Variants in PTPRE observed in about 807,000 individuals in gnomAD.
PTPRE encodes protein tyrosine phosphatase receptor type E.
A neutral mutation model predicts 102.0 loss-of-function variants in PTPRE; 51 were observed. The ratio of observed to expected loss-of-function variants is 0.50; its 90% CI spans 0.40 to 0.63. PTPRE has a LOEUF of 0.63. Ranked by LOEUF, PTPRE falls within the 30% of genes least tolerant of loss-of-function variation. The probability of loss-of-function intolerance (pLI) is 0.00; values close to 1 mark genes in which losing one functional copy is unlikely to be tolerated. For missense variants in PTPRE, 752 were observed against 915.1 expected, an observed-to-expected ratio of 0.82 and a Z score of 2.30; for synonymous variants, 345 against 348.2, an observed-to-expected ratio of 0.99 and a Z score of 0.10.
At chr10:127,996,730 C>T (rs1433906231) in intron 2 of PTPRE, among the ~76,000 whole-genome samples, 1 of 152,182 alleles carries the variant, frequency 6.6e-6, no homozygotes, top group African/African-American at 2.4e-5. Context: ...TCCAGGCACA[C>T]GCAGGCTCCG....
chr10:127,918,375 G>A (rs1846357122), intron 1 of PTPRE, among the ~76,000 whole-genome samples: 1 of 151,482 alleles, frequency 6.6e-6, no homozygotes, highest in South Asian at 2.1e-4. Flanking sequence ...TGGCTAACAC[G>A]GTGAAACCCC....
chr10:128,080,749 C>T (rs1851636958), intron 20 of PTPRE, among the ~76,000 whole-genome samples: 1 of 152,192 alleles, frequency 6.6e-6, no homozygotes, highest in Admixed American at 6.5e-5. Flanking sequence ...TGCTCTCTTG[C>T]CTGGTAACAG....
At chr10:128,067,280 G>A (rs970238379) in intron 11 of PTPRE, among the ~76,000 whole-genome samples, 15 of 129,996 alleles carry the variant, frequency 1.2e-4, no homozygotes, top group African/African-American at 2.4e-4. Context: ...GCACACACAC[G>A]CACCCACACA....
In PTPRE at chr10:128,068,145, C is replaced by T. The variant is rs1464658480; in HGVS notation, c.866C>T (p.Ala289Val). The change falls in exon 12 of 21, where the codon GCC becomes GTC. Residue 289 changes from alanine (A) to valine (V), a missense_variant. Around this residue, in one of 2 missense-constraint regions of PTPRE, gnomAD observed 636 missense variants for 824.4 expected, o/e 0.77. Transcript: ENST00000254667. ...IQPQLPDGCK[A>V]PRLVSQLHFT... ...CAGCAGCTCCCCGACGGCTGCAAAG[C>T]CCCCAGGCTGGTCTCACAGCTGCAC... 10 of 1,613,532 alleles carry T rather than the reference C, an allele frequency of 6.2e-6. No individual in the cohort carries two copies. In the Admixed American group the frequency reaches 8.3e-5, roughly 13 times the overall value.
chr10:127,980,914 A>G (rs1851558402), intron 1 of PTPRE, among the ~76,000 whole-genome samples: 3 of 152,204 alleles, frequency 2.0e-5, no homozygotes, highest in Admixed American at 2.0e-4. Flanking sequence ...AATAGTAACA[A>G]TCAAAACATG....
intron 1 of PTPRE, among the ~76,000 whole-genome samples, chr10:127,978,238 A>C (rs1851341700): frequency 6.6e-6 from 1 of 152,016 alleles, no homozygotes; most frequent in Non-Finnish European, 1.5e-5. Context: ...AACAAAAACA[A>C]AAAAAAACAA....
At chr10:128,073,576 G>A (rs2136044728) in intron 17 of PTPRE, 105 bp downstream of exon 17, 1 of 1,398,566 alleles carries the variant, frequency 7.2e-7, no homozygotes, top group South Asian at 1.4e-5. Flanking sequence ...CAAACACATG[G>A]GTGAGACCAA....
At chr10:128,078,567 C>T (rs1413233699) in intron 19 of PTPRE, among the ~76,000 whole-genome samples, 4 of 152,174 alleles carry the variant, frequency 2.6e-5, no homozygotes, top group East Asian at 1.9e-4. Context: ...ACACTGGTGG[C>T]GCCCACTCTT....
Position 128,079,647 on chromosome 10 carries a change from A to G in PTPRE, c.1980A>G (p.Gln660=), listed in dbSNP as rs770227056. The change falls in exon 20 of 21, where the codon CAA becomes CAG. Residue 660 remains glutamine, a synonymous_variant. Coordinates refer to ENST00000254667, the MANE Select transcript of PTPRE (RefSeq NM_006504.6). ...CCGAGGGACTTTTAGATGTATTTCAAGCTGTGAAGAGTTTACGACTTCAGA... is the reference window on the plus strand; with the variant it reads ...CCGAGGGACTTTTAGATGTATTTCAGGCTGTGAAGAGTTTACGACTTCAGA... ...VKAEGLLDVF[Q]AVKSLRLQRP... 1.2e-6 allele frequency: 2 copies of G among 1,613,966 alleles called. No individual in the cohort carries two copies. The highest frequency in any genetic ancestry group is 2.7e-5 in the African/African-American group (2 of 74,950).
At chr10:128,020,839 G>A (rs574346504) in intron 2 of PTPRE, among the ~76,000 whole-genome samples, 3 of 152,192 alleles carry the variant, frequency 2.0e-5, no homozygotes, top group Non-Finnish European at 4.4e-5. Flanking sequence ...AGGAAGCGGT[G>A]TGATTTGATA....
At chr10:127,920,910 G>A (rs1361078502) in intron 1 of PTPRE, among the ~76,000 whole-genome samples, 1 of 152,182 alleles carries the variant, frequency 6.6e-6, no homozygotes, top group South Asian at 2.1e-4. Flanking sequence ...TCTTCCCTGT[G>A]TAAGGAGAGG....
intron 2 of PTPRE, among the ~76,000 whole-genome samples, chr10:128,034,011 A>G (rs906520245): frequency 1.3e-5 from 2 of 152,236 alleles, no homozygotes; most frequent in African/African-American, 4.8e-5. Flanking sequence ...GTTGATGTCA[A>G]AATTTATAAA....
intron 11 of PTPRE, 112 bp downstream of exon 11, chr10:128,066,306 T>G (rs1850084339): frequency 6.6e-7 from 1 of 1,512,710 alleles, no homozygotes; most frequent in Non-Finnish European, 9.0e-7. Context: ...CCCGGCACTG[T>G]CGCAGCCCTG....
chr10:127,971,258 A>G (rs773429586), intron 1 of PTPRE, among the ~76,000 whole-genome samples: 8 of 152,170 alleles, frequency 5.3e-5, no homozygotes, highest in Non-Finnish European at 1.0e-4. Context: ...ACATCCCAAA[A>G]AGGACCCCAG....
chr10:128,062,517 T>C (rs1849693828), intron 9 of PTPRE, among the ~76,000 whole-genome samples: 1 of 152,088 alleles, frequency 6.6e-6, no homozygotes, highest in African/African-American at 2.4e-5. Flanking sequence ...GGGGCTTCCT[T>C]ATCTCCCCGC....
intron 17 of PTPRE, among the ~76,000 whole-genome samples, chr10:128,073,812 A>C (rs1182113379): frequency 6.6e-6 from 1 of 152,232 alleles, no homozygotes; most frequent in African/African-American, 2.4e-5. Context: ...AGACAACAGT[A>C]AACCCAAGGT....
chr10:127,954,111 C>T (rs917274319), intron 1 of PTPRE, among the ~76,000 whole-genome samples: 2 of 152,202 alleles, frequency 1.3e-5, no homozygotes, highest in South Asian at 4.1e-4. Flanking sequence ...TAGAAAATGA[C>T]CTGTTCTGTG....
intron 3 of PTPRE, among the ~76,000 whole-genome samples, chr10:128,046,633 G>C (rs931389148): frequency 1.3e-5 from 2 of 152,126 alleles, no homozygotes; most frequent in Admixed American, 6.5e-5. Context: ...TGTGGCCAGC[G>C]GGGGAGGAGC....
chr10:128,005,795 C>T (rs1462902681), intron 2 of PTPRE, among the ~76,000 whole-genome samples: 1 of 152,130 alleles, frequency 6.6e-6, no homozygotes, highest in Non-Finnish European at 1.5e-5. Flanking sequence ...CCCGCAGTTC[C>T]GGAGGCTGCA....
Sources: gnomAD v4.1 joint callset for allele counts (sites outside exome capture counted in the v4.1 genomes callset) on GRCh38, gnomAD v4.1.1 for gene constraint, gnomAD v4.1.1 regional missense constraint, MANE v1.5 for transcripts, NCBI Gene and HGNC (gene_info 2026-07-23, HGNC 2026-07-21) for gene names.